ELF2: variants seen among roughly 807,000 people sequenced by gnomAD.
ELF2 encodes ETS-related transcription factor Elf-2.
ELF2 carries 11 observed loss-of-function variants against 54.8 expected under a neutral mutation model. The observed-to-expected ratio is 0.20, with a 90% confidence interval of 0.13 to 0.33. ELF2 has a LOEUF of 0.33. ELF2 is among the 10% of genes least tolerant of loss of function. The probability of loss-of-function intolerance (pLI) is 1.00; values close to 1 mark genes in which losing one functional copy is unlikely to be tolerated. For synonymous variants in ELF2, 203 were observed against 245.1 expected (o/e 0.83, Z 1.61); for missense variants, 513 against 703.0 (o/e 0.73, Z 3.06).
At chr4:139,144,657 C>CT (rs1194634893) in intron 1 of ELF2, among the ~76,000 whole-genome samples, 2 of 152,194 alleles carry the variant, frequency 1.3e-5, no homozygotes, top group Non-Finnish European at 1.5e-5. Context: ...AGTGAACACT[C>CT]TGAGTGAGAG....
chr4:139,070,955 T>A (rs1215465176), intron 6 of ELF2, among the ~76,000 whole-genome samples: 2 of 152,196 alleles, frequency 1.3e-5, no homozygotes, highest in Non-Finnish European at 2.9e-5. Context: ...TGTGAAGAGT[T>A]AGAGAAGAAA....
chr4:139,092,409 T>TAACAAACA (rs879660732), intron 4 of ELF2, among the ~76,000 whole-genome samples: 1 of 82,636 alleles, frequency 1.2e-5, no homozygotes. Flanking sequence ...TAACATAACA[T>TAACAAACA]AACATACATA....
At chr4:139,059,885 T>C (rs1277651970) in intron 9 of ELF2, among the ~76,000 whole-genome samples, 2 of 151,792 alleles carry the variant, frequency 1.3e-5, no homozygotes. Flanking sequence ...TCTCAGTCTG[T>C]CACCTAGGCT....
intron 4 of ELF2, among the ~76,000 whole-genome samples, chr4:139,079,971 C>T (rs1055974145): frequency 6.6e-6 from 1 of 152,186 alleles, no homozygotes; most frequent in Non-Finnish European, 1.5e-5. Context: ...TATTTGTCTA[C>T]TCACAGATAA....
At chr4:139,090,784 G>A (rs1258711522) in intron 4 of ELF2, among the ~76,000 whole-genome samples, 2 of 152,078 alleles carry the variant, frequency 1.3e-5, no homozygotes, top group East Asian at 1.9e-4. Context: ...TAGTGGAGCT[G>A]GGATTTTGCC....
At chr4:139,147,318 A>G (rs1739316570) in intron 1 of ELF2, among the ~76,000 whole-genome samples, 1 of 152,238 alleles carries the variant, frequency 6.6e-6, no homozygotes, top group Non-Finnish European at 1.5e-5. Flanking sequence ...GGGAAATGCA[A>G]ATTAAAACCA....
At chr4:139,114,633 T>TC (rs1735386216) in intron 4 of ELF2, among the ~76,000 whole-genome samples, 1 of 71,442 alleles carries the variant, frequency 1.4e-5, no homozygotes, top group Non-Finnish European at 2.7e-5. Context: ...ATGGATTTTT[T>TC]TTTTCTTTCT....
chr4:139,121,461 G>A (rs1231131011), intron 4 of ELF2, among the ~76,000 whole-genome samples: 1 of 151,744 alleles, frequency 6.6e-6, no homozygotes, highest in Non-Finnish European at 1.5e-5. Context: ...GAGTTCATTG[G>A]TATAAACGTG....
intron 4 of ELF2, among the ~76,000 whole-genome samples, chr4:139,102,539 C>CAA (rs1313785157): frequency 7.1e-6 from 1 of 140,588 alleles, no homozygotes; most frequent in African/African-American, 2.6e-5. Flanking sequence ...GACTCCGTCT[C>CAA]AAAAAAAAAA....
At chr4:139,146,671 T>C (rs551621429) in intron 1 of ELF2, among the ~76,000 whole-genome samples, 22 of 152,238 alleles carry the variant, frequency 1.4e-4, no homozygotes, top group Non-Finnish European at 3.1e-4. Context: ...GGTATAAAAA[T>C]AGACACATTG....
rs566433327 is a variant in ELF2, at chr4:139,152,013, T to C, written c.-251-12516A>G. ...ATCAGAAACAGAAAGGGTGACTCTA[T>C]TTATATGACATTCAAGAAAAGATAA... On this transcript the variant is annotated intron_variant, in intron 1 of 9. Coordinates refer to ENST00000686138, the MANE Select transcript of ELF2 (RefSeq NM_001331036.3). Among the ~76,000 whole-genome samples, 246 of 152,322 alleles carry C rather than the reference T, an allele frequency of 1.6e-3. 1 individual carries two copies. Among genetic ancestry groups the C allele is most frequent in the South Asian group, 7.3e-3 (35 of 4,822 alleles).
intron 4 of ELF2, chr4:139,116,604 A>T (rs1380598968): frequency 2.3e-6 from 2 of 882,338 alleles, no homozygotes. Flanking sequence ...ATTTTAATGA[A>T]ATATAAAATT....
intron 8 of ELF2, among the ~76,000 whole-genome samples, chr4:139,061,515 A>G (rs1009338572): frequency 1.3e-5 from 2 of 152,118 alleles, no homozygotes; most frequent in Non-Finnish European, 2.9e-5. Flanking sequence ...ATCAACATAA[A>G]TCCATTTATA....
intron 4 of ELF2, among the ~76,000 whole-genome samples, chr4:139,099,873 A>G (rs1733691416): frequency 1.3e-5 from 2 of 152,256 alleles, no homozygotes; most frequent in Admixed American, 6.5e-5. Context: ...AATATCAGCC[A>G]AGGCCTCTTT....
At chr4:139,135,890 G>C (rs1010359628) in intron 3 of ELF2, among the ~76,000 whole-genome samples, 1 of 152,130 alleles carries the variant, frequency 6.6e-6, no homozygotes, top group Non-Finnish European at 1.5e-5. Flanking sequence ...AAGTTCTCCT[G>C]GCCGTGAACA....
At chr4:139,088,524 C>G (rs948036889) in intron 4 of ELF2, among the ~76,000 whole-genome samples, 1 of 152,130 alleles carries the variant, frequency 6.6e-6, no homozygotes, top group Non-Finnish European at 1.5e-5. Flanking sequence ...TTGACTACCC[C>G]TTTATTGAAA....
At chr4:139,124,169 C>T (rs1736676264) in intron 4 of ELF2, among the ~76,000 whole-genome samples, 1 of 152,186 alleles carries the variant, frequency 6.6e-6, no homozygotes, top group South Asian at 2.1e-4. Flanking sequence ...CACACCACCA[C>T]ACCCAGCTTG....
chr4:139,156,700 T>C (rs1184701304), intron 1 of ELF2, among the ~76,000 whole-genome samples: 2 of 151,846 alleles, frequency 1.3e-5, no homozygotes, highest in African/African-American at 4.8e-5. Context: ...AGTGCAGTGG[T>C]GCCATCTCAG....
intron 3 of ELF2, among the ~76,000 whole-genome samples, chr4:139,135,279 G>GTGTGTGTA (rs373283677): frequency 0.011 from 1,497 of 136,406 alleles, 17 homozygotes; most frequent in South Asian, 0.049. Context: ...GTGTGTGTGT[G>GTGTGTGTA]TATATATGAA....
Sources: allele counts gnomAD v4.1 joint callset (sites outside exome capture counted in the v4.1 genomes callset), GRCh38; gene constraint gnomAD v4.1.1; transcripts MANE v1.5; gene names NCBI Gene and HGNC (gene_info 2026-07-23, HGNC 2026-07-21).